ERCC5: variants seen among roughly 807,000 people sequenced by gnomAD.
The protein encoded by ERCC5 is ERCC excision repair 5, endonuclease.
Under a neutral mutation model 105.6 loss-of-function variants are expected in ERCC5, and 68 were observed. The observed-to-expected ratio is 0.64, with a 90% confidence interval of 0.53 to 0.79. The LOEUF is 0.79. Among genes scored for constraint, ERCC5 ranks in the 30% least tolerant of loss-of-function variants. ERCC5 has a pLI of 0.00. For missense variants in ERCC5, 1,373 were observed against 1,426.7 expected (o/e 0.96, Z 0.61); for synonymous variants, 546 against 526.2 (o/e 1.04, Z -0.51).
In ERCC5 at chr13:102,856,117, T is replaced by G. The variant is rs1323100739; in HGVS notation, c.528+5T>G. On this transcript the variant is annotated splice_donor_5th_base_variant and intron_variant, in intron 5 of 14. Transcript: ENST00000652225. ...AATCAAAAACAAGCATTACAGGTAT[T>G]TAGATCATTTTTGAATTCAGAATGT... The G allele has an allele frequency of 6.2e-7, 1 of 1,611,694 alleles. No homozygotes were observed. The highest frequency in any genetic ancestry group is 1.3e-5 in the African/African-American group (1 of 74,856).
chr13:102,854,965 C>G (rs892750566), intron 4 of ERCC5, among the ~76,000 whole-genome samples: 4 of 152,208 alleles, frequency 2.6e-5, no homozygotes, highest in African/African-American at 9.6e-5. Flanking sequence ...TTGCCTTTGT[C>G]CCCTGTCCTT....
At chr13:102,866,465 GC>G (rs2140532232) in intron 10 of ERCC5, 84 bp downstream of exon 10, 1 of 1,611,160 alleles carries the variant, frequency 6.2e-7, no homozygotes, top group African/African-American at 1.3e-5. Context: ...TATGCACTGT[GC>G]CCCCTGGTGC....
At chr13:102,869,576 T>G (rs1595388525) in intron 12 of ERCC5, among the ~76,000 whole-genome samples, 1 of 152,196 alleles carries the variant, frequency 6.6e-6, no homozygotes, top group East Asian at 1.9e-4. Flanking sequence ...CCATTTGGTA[T>G]TAGAACAAGA....
chr13:102,850,876 G>A (rs1020935284), intron 1 of ERCC5, among the ~76,000 whole-genome samples: 3 of 152,152 alleles, frequency 2.0e-5, no homozygotes, highest in African/African-American at 7.2e-5. Context: ...GAGGAAAGAA[G>A]AGGGCCTGAG....
intron 1 of ERCC5, chr13:102,849,349 G>A (rs745774355): frequency 7.7e-6 from 4 of 518,860 alleles, no homozygotes; most frequent in Non-Finnish European, 1.5e-5. Context: ...ACTTCCCAGT[G>A]GCCGTATCAC....
Position 102,865,862 on chromosome 13 carries a change from C to T in ERCC5, c.2150C>T (p.Ala717Val). 6.2e-7 allele frequency: 1 copy of T among 1,614,198 alleles called. No homozygotes were observed. The highest frequency in any genetic ancestry group is 1.1e-5 in the South Asian group (1 of 91,084). ...RDDVDGEPQE[A>V]EKDAEDSLHE... ...GACGTGGATGGTGAGCCACAGGAAG[C>T]TGAGAAAGATGCGGAAGATTCGCTC... The change falls in exon 9 of 15, where the codon GCT (alanine) becomes GTT (valine). Residue 717 changes from alanine to valine, a missense_variant. By Grantham distance (64) the Ala-to-Val change is moderately conservative. Around this residue, in one of 3 missense-constraint regions of ERCC5, gnomAD observed 1,004 missense variants for 1,059.7 expected, o/e 0.95. Coordinates refer to ENST00000652225, the MANE Select transcript of ERCC5 (RefSeq NM_000123.4). This position sits in a 1 kb window ranked among gnomAD's most constrained non-coding sequence, Gnocchi z 4.0.
At chr13:102,861,802 A>G in intron 7 of ERCC5, 88 bp downstream of exon 7, 1 of 1,494,226 alleles carries the variant, frequency 6.7e-7, no homozygotes, top group Non-Finnish European at 9.1e-7. Flanking sequence ...CCCCTGGATA[A>G]TATTAATGAA....
At chr13:102,850,833 G>A (rs1882173755) in intron 1 of ERCC5, among the ~76,000 whole-genome samples, 1 of 152,166 alleles carries the variant, frequency 6.6e-6, no homozygotes, top group Admixed American at 6.5e-5. Context: ...CGTGGTGTAT[G>A]TGGAGGGGAG....
chr13:102,862,425 G>A lies in ERCC5; in HGVS notation c.1276G>A (p.Glu426Lys), dbSNP rs267603745. Residue 426 changes from glutamate (E) to lysine (K), a missense_variant, in exon 8 of 15, where the codon GAG becomes AAG. Physicochemically the swap from Glu to Lys is moderately conservative, Grantham distance 56 (BLOSUM62 1). Transcript: ENST00000652225. Reference protein sequence around the residue: ...AEEMRINSSTENSDEGLKVRD... With the variant: ...AEEMRINSSTKNSDEGLKVRD... ...AGAAATGCGTATAAACAGCTCCACC[G>A]AGAACAGTGATGAAGGACTTAAAGT... The A allele has an allele frequency of 3.1e-6, 5 of 1,614,114 alleles. No homozygotes were observed. Among genetic ancestry groups the A allele is most frequent in the African/African-American group, 1.3e-5 (1 of 75,002 alleles).
chr13:102,849,487 T>C (rs1218385539), intron 1 of ERCC5: 2 of 512,944 alleles, frequency 3.9e-6, no homozygotes, highest in Admixed American at 2.0e-5. Context: ...ATGGTATTGC[T>C]AAATATTATA....
At chr13:102,874,380 A>T (rs555314023) in intron 14 of ERCC5, among the ~76,000 whole-genome samples, 1 of 152,126 alleles carries the variant, frequency 6.6e-6, no homozygotes, top group Non-Finnish European at 1.5e-5. Flanking sequence ...TCTTCTATGT[A>T]TTGTGTGGTT....
chr13:102,863,123 T>C lies in ERCC5; in HGVS notation c.1954+20T>C, dbSNP rs760820163. ...CTGATGGTACGTGTCTGTGCTTTTG[T>C]AGAAATCTGGAACGGTAGGATTTCC... On this transcript the variant is annotated intron_variant, in intron 8 of 14. Transcript: ENST00000652225. The C allele has an allele frequency of 2.6e-5, 42 of 1,609,778 alleles. 1 individual carries two copies. The South Asian group carries it at 4.5e-4, about 17-fold the overall frequency.
chr13:102,854,421 T>A (rs1487699644), intron 4 of ERCC5, 47 bp downstream of exon 4: 4 of 1,573,570 alleles, frequency 2.5e-6, no homozygotes, highest in Non-Finnish European at 3.5e-6. Context: ...ATTGCTACAT[T>A]CAGACACATT....
chr13:102,866,628 G>T lies in ERCC5; in HGVS notation c.2320-4G>T, dbSNP rs1247769939. On this transcript the variant is annotated splice_region_variant and splice_polypyrimidine_tract_variant and intron_variant, in intron 10 of 14. Coordinates refer to ENST00000652225, the MANE Select transcript of ERCC5 (RefSeq NM_000123.4). ...GGCGTCACTGTGTACCCCTCACTCT[G>T]CAGGAACTCCTGCGCCTGTTCGGCA... 27 of 1,612,840 alleles carry T rather than the reference G, an allele frequency of 1.7e-5. No individual in the cohort carries two copies. Among genetic ancestry groups the T allele is most frequent in the Non-Finnish European group, 2.2e-5 (26 of 1,179,888 alleles).
chr13:102,858,767 T>A, intron 6 of ERCC5: 2 of 410,700 alleles, frequency 4.9e-6, no homozygotes. Flanking sequence ...TCACATGGTA[T>A]GTGTCCAGTA....
At chr13:102,849,508 T>C (rs1456258993) in intron 1 of ERCC5, 2 of 482,648 alleles carry the variant, frequency 4.1e-6, no homozygotes, top group Non-Finnish European at 4.2e-6. Flanking sequence ...GAAATAAGCA[T>C]AGCAGTAGCT....
At position 102,872,082 on chromosome 13, in the gene ERCC5, G is replaced by A. The variant is rs4150359; in HGVS notation, c.2679-116G>A. The stretch of plus-strand genomic sequence containing the variant: ...TAAAATTAATAAAATATTCTATATA[G>A]CATACAATTTGAGTTAGAACTTGAG... On this transcript the variant is annotated intron_variant, in intron 12 of 14. Coordinates refer to ENST00000652225, the MANE Select transcript of ERCC5 (RefSeq NM_000123.4). 7.3e-3 allele frequency: 8,612 copies of A among 1,176,686 alleles called. 432 individuals carry two copies. In the African/African-American group the frequency reaches 0.11, roughly 15 times the overall value. The allele number at this position is 1,176,686 out of a possible 1,614,324, so 72.9% of individuals were successfully genotyped here.
At chr13:102,864,165 C>CACACAT (rs1491404558) in intron 8 of ERCC5, among the ~76,000 whole-genome samples, 1 of 146,660 alleles carries the variant, frequency 6.8e-6, no homozygotes, top group Non-Finnish European at 1.5e-5. Context: ...CACACACACA[C>CACACAT]AATTTGTTCC....
At chr13:102,872,446 G>T in intron 13 of ERCC5, 48 bp downstream of exon 13, 3 of 1,605,416 alleles carry the variant, frequency 1.9e-6, no homozygotes, top group Non-Finnish European at 2.6e-6. Context: ...TCAAATATGT[G>T]TTTGGTTTAA....
Sources: gnomAD v4.1 joint callset for allele counts (sites outside exome capture counted in the v4.1 genomes callset) on GRCh38, gnomAD v4.1.1 for gene constraint, gnomAD v4.1.1 regional missense constraint, Gnocchi (gnomAD v3.1) non-coding constraint, MANE v1.5 for transcripts, NCBI Gene and HGNC (gene_info 2026-07-23, HGNC 2026-07-21) for gene names.